The following LUZP2 variants were observed in gnomAD, a reference collection of about 807,000 sequenced individuals.
LUZP2 encodes leucine zipper protein 2.
A neutral mutation model predicts 51.6 loss-of-function variants in LUZP2; 52 were observed. That is an observed-to-expected ratio of 1.01 (90% CI 0.81 to 1.27). The LOEUF is 1.27. Among genes scored for constraint, LUZP2 ranks in the 50% most tolerant of loss-of-function variants. LUZP2 has a pLI of 0.00. For synonymous variants in LUZP2, 154 were observed against 137.3 expected (o/e 1.12, Z -0.85); for missense variants, 436 against 395.4 (o/e 1.10, Z -0.87).
intron 1 of LUZP2, among the ~76,000 whole-genome samples, chr11:24,665,174 T>A (rs938414428): frequency 3.9e-5 from 6 of 152,110 alleles, no homozygotes; most frequent in African/African-American, 1.4e-4. Context: ...TCAAAGGAGA[T>A]CATTTTGGAA....
At chr11:24,633,954 G>GTATATATA (rs1293951651) in intron 1 of LUZP2, among the ~76,000 whole-genome samples, 1 of 112,142 alleles carries the variant, frequency 8.9e-6, no homozygotes, top group Non-Finnish European at 2.0e-5. Flanking sequence ...GTGTGTGTGT[G>GTATATATA]TGTGTGTGTG....
At chr11:24,586,612 A>G (rs1853075771) in intron 1 of LUZP2, among the ~76,000 whole-genome samples, 2 of 152,066 alleles carry the variant, frequency 1.3e-5, no homozygotes, top group African/African-American at 4.8e-5. Flanking sequence ...TGATTTTCCC[A>G]TGCTTAATAA....
intron 9 of LUZP2, among the ~76,000 whole-genome samples, chr11:24,989,550 G>A (rs1856276136): frequency 6.6e-6 from 1 of 152,108 alleles, no homozygotes; most frequent in South Asian, 2.1e-4. Context: ...ATTAACTGCA[G>A]ACAGTATAGC....
At chr11:25,020,860 G>A (rs921813418) in intron 9 of LUZP2, among the ~76,000 whole-genome samples, 1 of 151,972 alleles carries the variant, frequency 6.6e-6, no homozygotes. Flanking sequence ...ACATGATAAT[G>A]TATATCCAAG....
intron 1 of LUZP2, among the ~76,000 whole-genome samples, chr11:24,662,999 T>C (rs1856071436): frequency 6.6e-6 from 1 of 152,052 alleles, no homozygotes; most frequent in Admixed American, 6.6e-5. Flanking sequence ...TCATCTAAAC[T>C]AAATAAATAA....
intron 5 of LUZP2, among the ~76,000 whole-genome samples, chr11:24,771,736 G>C (rs1162251076): frequency 6.6e-6 from 1 of 152,092 alleles, no homozygotes; most frequent in Non-Finnish European, 1.5e-5. Context: ...GCCAGGTGGA[G>C]ATAATTGAAT....
chr11:25,030,545 G>A (rs10834584), intron 9 of LUZP2, among the ~76,000 whole-genome samples: 57,394 of 151,312 alleles, frequency 0.38, 13,226 homozygotes, highest in East Asian at 0.77. Context: ...TATAAATATT[G>A]TGGATGACCA....
chr11:25,057,051 G>C (rs1038186220), intron 10 of LUZP2, among the ~76,000 whole-genome samples: 3 of 152,146 alleles, frequency 2.0e-5, no homozygotes, highest in Non-Finnish European at 4.4e-5. Flanking sequence ...AGTCAGCTGA[G>C]ATCGTGCCAC....
At chr11:24,824,133 G>A (rs1048826050) in intron 5 of LUZP2, among the ~76,000 whole-genome samples, 2 of 151,768 alleles carry the variant, frequency 1.3e-5, no homozygotes, top group Non-Finnish European at 2.9e-5. Context: ...GGAGGCCGAG[G>A]CAGGCGGATC....
At chr11:24,733,562 TA>T (rs776298904) in intron 3 of LUZP2, among the ~76,000 whole-genome samples, 2 of 151,764 alleles carry the variant, frequency 1.3e-5, no homozygotes, top group East Asian at 3.9e-4. Flanking sequence ...ATTCGGAATC[TA>T]AAAAAGTTGA....
chr11:24,981,190 C>G (rs1386772254), intron 8 of LUZP2, among the ~76,000 whole-genome samples: 4 of 151,738 alleles, frequency 2.6e-5, no homozygotes, highest in Admixed American at 6.6e-5. Context: ...CAAGCCAAAC[C>G]TGAGTAGTAT....
At chr11:24,568,268 G>A (rs1392060907) in intron 1 of LUZP2, among the ~76,000 whole-genome samples, 2 of 150,310 alleles carry the variant, frequency 1.3e-5, no homozygotes, top group Non-Finnish European at 3.0e-5. Flanking sequence ...GCTGAGACAT[G>A]AGAATTGCTT....
At position 24,901,028 on chromosome 11, in the gene LUZP2, T is replaced by C. The variant is rs1288414628; in HGVS notation, c.397-4963T>C. Among the ~76,000 whole-genome samples the C allele has an allele frequency of 4.6e-5, 7 of 152,270 alleles. No homozygotes were observed. In the East Asian group the frequency reaches 1.4e-3, roughly 29 times the overall value. ...CTTCTGTGGTCTGCTTGGGTTTTTC[T>C]TCCATATGGTACTTCATAAATTGTC... On this transcript the variant is annotated intron_variant, in intron 5 of 11. Transcript: ENST00000336930.
At chr11:24,960,651 G>A (rs1368584569) in intron 7 of LUZP2, among the ~76,000 whole-genome samples, 1 of 151,572 alleles carries the variant, frequency 6.6e-6, no homozygotes, top group African/African-American at 2.4e-5. Context: ...TTCTTTATTA[G>A]TCTTGCTAGC....
intron 7 of LUZP2, among the ~76,000 whole-genome samples, chr11:24,939,407 G>A (rs1011798785): frequency 1.3e-5 from 2 of 151,852 alleles, no homozygotes; most frequent in African/African-American, 4.8e-5. Flanking sequence ...TACCACTCTC[G>A]GGGGAAGGGA....
chr11:24,595,149 G>T (rs1853398935), intron 1 of LUZP2, among the ~76,000 whole-genome samples: 1 of 144,702 alleles, frequency 6.9e-6, no homozygotes, highest in African/African-American at 2.6e-5. Flanking sequence ...TTTAATCTTT[G>T]TCAATATATA....
At chr11:24,511,132 T>G (rs558589563) in intron 1 of LUZP2, among the ~76,000 whole-genome samples, 1 of 152,350 alleles carries the variant, frequency 6.6e-6, no homozygotes, top group African/African-American at 2.4e-5. Context: ...TCTGTCATAC[T>G]GTCTGTGCCT....
At chr11:24,970,577 A>C (rs974831894) in intron 7 of LUZP2, among the ~76,000 whole-genome samples, 2 of 152,196 alleles carry the variant, frequency 1.3e-5, no homozygotes, top group African/African-American at 4.8e-5. Flanking sequence ...GAACTTCGCA[A>C]ATTTAGCTAG....
At chr11:24,867,615 T>C (rs1320589428) in intron 5 of LUZP2, among the ~76,000 whole-genome samples, 1 of 152,154 alleles carries the variant, frequency 6.6e-6, no homozygotes, top group African/African-American at 2.4e-5. Flanking sequence ...TTTGTTATTT[T>C]CAGACGTCCT....
Sources: gnomAD v4.1 joint callset for allele counts (sites outside exome capture counted in the v4.1 genomes callset) on GRCh38, gnomAD v4.1.1 for gene constraint, MANE v1.5 for transcripts, NCBI Gene and HGNC (gene_info 2026-07-23, HGNC 2026-07-21) for gene names.